Variants in MYO5C observed in about 807,000 individuals in gnomAD.
MYO5C encodes the protein unconventional myosin-Vc.
Under a neutral mutation model 235.7 loss-of-function variants are expected in MYO5C, and 194 were observed. The observed-to-expected ratio is 0.82, with a 90% CI of 0.73 to 0.93. The LOEUF (loss-of-function observed/expected upper bound fraction) is 0.93, where lower values mean the gene tolerates loss of function less well. Among genes scored for constraint, MYO5C ranks in the 40% least tolerant of loss-of-function variants. The pLI is 0.00. For synonymous variants in MYO5C, 707 were observed against 754.8 expected (o/e 0.94, Z 1.04); for missense variants, 2,038 against 2,127.2 (o/e 0.96, Z 0.82).
chr15:52,225,138 T>C lies in MYO5C; in HGVS notation c.3302A>G (p.Glu1101Gly), dbSNP rs2035792529. 3.1e-6 allele frequency: 5 copies of C among 1,614,046 alleles called. No homozygotes were observed. In the East Asian group the frequency reaches 1.1e-4, roughly 36 times the overall value. Residue 1101 changes from glutamate to glycine, a missense_variant and splice_region_variant, in exon 27 of 41, where the codon GAA becomes GGA. By Grantham distance (98) the Glu-to-Gly change is moderately conservative (BLOSUM62 -2). Coordinates refer to ENST00000261839, the MANE Select transcript of MYO5C (RefSeq NM_018728.4). ...HVQSQKREMR[E>G]KMSEITKQLL... ...TTGTTTGGTGATCTCTGACATCTTT[T>C]CTGAAAGGGAAAGGCAGAGTTGTAT...
At chr15:52,285,528 T>G (rs762522614) in intron 1 of MYO5C, among the ~76,000 whole-genome samples, 21 of 151,792 alleles carry the variant, frequency 1.4e-4, no homozygotes, top group Non-Finnish European at 2.5e-4. Flanking sequence ...CTCCCTCTGA[T>G]GCAGAGCTGA....
At chr15:52,261,272 G>A (rs982723105) in intron 9 of MYO5C, 145 bp from the exon 10 acceptor site, 62 of 946,510 alleles carry the variant, frequency 6.6e-5, no homozygotes, top group African/African-American at 3.8e-4. Context: ...CTCAGGAGGT[G>A]GAGATAGACC....
chr15:52,227,190 ATT>A (rs1179874943), intron 25 of MYO5C, among the ~76,000 whole-genome samples: 4 of 117,690 alleles, frequency 3.4e-5, no homozygotes, highest in African/African-American at 1.4e-4. Flanking sequence ...ACCCAGAGTA[ATT>A]TTTTTTTTTT....
intron 8 of MYO5C, among the ~76,000 whole-genome samples, chr15:52,265,707 T>C (rs1033487601): frequency 2.0e-5 from 3 of 152,166 alleles, no homozygotes; most frequent in South Asian, 4.2e-4. Context: ...CCCAGCTAAT[T>C]TTTTGTAGAG....
At chr15:52,234,625 T>C (rs1260405620) in intron 23 of MYO5C, among the ~76,000 whole-genome samples, 3 of 152,196 alleles carry the variant, frequency 2.0e-5, no homozygotes, top group Non-Finnish European at 4.4e-5. Flanking sequence ...GACATTCACA[T>C]GGCTTCTGTG....
At chr15:52,284,550 C>T (rs558024879) in intron 1 of MYO5C, among the ~76,000 whole-genome samples, 3 of 152,262 alleles carry the variant, frequency 2.0e-5, no homozygotes, top group African/African-American at 7.2e-5. Context: ...AAGCACTTTT[C>T]AAACCTCAGA....
chr15:52,257,038 C>G (rs1188244628), intron 10 of MYO5C: 1 of 209,916 alleles, frequency 4.8e-6, no homozygotes, highest in Non-Finnish European at 9.6e-6. Flanking sequence ...CTTTATAGGT[C>G]AGAAAATAAG....
In MYO5C at chr15:52,269,807, C is replaced by A; in HGVS notation, c.886G>T (p.Gly296Cys). The A allele has an allele frequency of 6.8e-6, 11 of 1,613,756 alleles. No homozygotes were observed. Among genetic ancestry groups the A allele is most frequent in the Non-Finnish European group, 9.3e-6 (11 of 1,179,872 alleles). The change falls in exon 8 of 41, where the codon GGT becomes TGT. Residue 296 changes from glycine (G) to cysteine (C), a missense_variant. Gly to Cys is a radical substitution (Grantham distance 159). Transcript: ENST00000261839. Reference sequence around the variant, plus strand: ...ACCATTTCAGCTCGATCATTCACACCCTCAATGACAGTATTGCCTCCCATT... The same window carrying A: ...ACCATTTCAGCTCGATCATTCACACACTCAATGACAGTATTGCCTCCCATT... ...TRMGGNTVIE[G>C]VNDRAEMVET...
At chr15:52,278,802 C>A in intron 4 of MYO5C, 71 bp downstream of exon 4, 1 of 1,571,930 alleles carries the variant, frequency 6.4e-7, no homozygotes, top group East Asian at 2.3e-5. Flanking sequence ...ATCTCCCCTC[C>A]ACTGTGATGG....
Position 52,217,169 on chromosome 15 carries a change from A to G in MYO5C, c.3954+1350T>C, listed in dbSNP as rs2035574349. Among the ~76,000 whole-genome samples the G allele has an allele frequency of 2.0e-5, 3 of 151,916 alleles. No homozygotes were observed. In the South Asian group the frequency reaches 6.2e-4, roughly 32 times the overall value. On this transcript the variant is annotated intron_variant, in intron 32 of 40. Coordinates refer to ENST00000261839, the MANE Select transcript of MYO5C (RefSeq NM_018728.4). ...CCGCCGGCTAATGTATAGAGATGAT[A>G]CTCTTGTTGTGTGTCCGTCTGCTTC...
At chr15:52,211,008 A>G (rs762378758) in intron 35 of MYO5C, among the ~76,000 whole-genome samples, 8 of 152,140 alleles carry the variant, frequency 5.3e-5, no homozygotes, top group African/African-American at 1.2e-4. Flanking sequence ...TCTGTGTCCT[A>G]TGGTAGGTTC....
rs775260673 is a variant in MYO5C at position 52,239,824 on chromosome 15, G to T, written c.2612C>A (p.Ala871Asp). The change falls in exon 21 of 41, where the codon GCC (alanine) becomes GAC (aspartate). Residue 871 changes from alanine to aspartate, a missense_variant. Physicochemically the swap from Ala to Asp is moderately radical, Grantham distance 126. Transcript: ENST00000261839. ...ILQKYARAWL[A>D]RRRFQSIRRF... ...TCGGATACTCTGGAATCTGCGTCTGGCCAGCCACGCCCGTGCGTATTTCTG... is the reference window on the plus strand; with the variant it reads ...TCGGATACTCTGGAATCTGCGTCTGTCCAGCCACGCCCGTGCGTATTTCTG... 1 of 1,613,022 alleles carries T rather than the reference G, an allele frequency of 6.2e-7. No homozygotes were observed. The highest frequency in any genetic ancestry group is 8.5e-7 in the Non-Finnish European group (1 of 1,179,500).
chr15:52,236,314 C>A, intron 22 of MYO5C, among the ~76,000 whole-genome samples: 1 of 152,186 alleles, frequency 6.6e-6, no homozygotes. Context: ...AGCACCGGGT[C>A]ATGGGGAGGG....
chr15:52,274,672 C>CG (rs150889291), intron 5 of MYO5C, among the ~76,000 whole-genome samples: 3 of 139,836 alleles, frequency 2.1e-5, no homozygotes, highest in African/African-American at 8.3e-5. Context: ...TTCTTAGTAC[C>CG]CCCCCCCCGA....
intron 38 of MYO5C, among the ~76,000 whole-genome samples, chr15:52,198,843 G>A (rs942731273): frequency 1.3e-5 from 2 of 151,836 alleles, no homozygotes; most frequent in African/African-American, 2.4e-5. Context: ...GCCTCCCAAA[G>A]TGCTGGGATT....
At position 52,193,899 on chromosome 15, in the gene MYO5C, CT is replaced by C; in HGVS notation, c.*2del. The C allele has an allele frequency of 6.3e-7, 1 of 1,599,354 alleles. No homozygotes were observed. The highest frequency in any genetic ancestry group is 8.5e-7 in the Non-Finnish European group (1 of 1,175,566). ...AGAAAAAGTGCATTGACTTTTTCTC[CT>C]GCTATAACCTATTCAGAAAGCCTAG... On this transcript the variant is annotated 3_prime_UTR_variant, in exon 41 of 41. Coordinates refer to ENST00000261839, the MANE Select transcript of MYO5C (RefSeq NM_018728.4).
chr15:52,219,723 A>G, intron 31 of MYO5C, 36 bp downstream of exon 31: 1 of 1,530,492 alleles, frequency 6.5e-7, no homozygotes, highest in South Asian at 1.1e-5. Flanking sequence ...GCATTACACG[A>G]GCATGAACTT....
chr15:52,280,508 G>A (rs960752047), intron 2 of MYO5C, among the ~76,000 whole-genome samples: 2 of 152,176 alleles, frequency 1.3e-5, no homozygotes, highest in African/African-American at 2.4e-5. Context: ...CCATTTCACC[G>A]CTGGGGGAAG....
intron 9 of MYO5C, among the ~76,000 whole-genome samples, chr15:52,261,481 C>T (rs1267809557): frequency 6.6e-6 from 1 of 152,236 alleles, no homozygotes; most frequent in African/African-American, 2.4e-5. Context: ...GTGGATGCAG[C>T]CCTCTCTCTT....
Sources: allele counts gnomAD v4.1 joint callset (sites outside exome capture counted in the v4.1 genomes callset), GRCh38; gene constraint gnomAD v4.1.1; transcripts MANE v1.5; gene names NCBI Gene and HGNC (gene_info 2026-07-23, HGNC 2026-07-21).